VPS13D: variants seen among roughly 807,000 people sequenced by gnomAD.
VPS13D encodes intermembrane lipid transfer protein VPS13D.
Under a neutral mutation model 461.9 loss-of-function variants are expected in VPS13D, and 187 were observed. That is an observed-to-expected ratio of 0.40 (90% CI 0.36 to 0.46). VPS13D has a LOEUF of 0.46. Ranked by LOEUF, VPS13D falls within the 20% of genes least tolerant of loss-of-function variation. VPS13D has a pLI of 0.60. For missense variants in VPS13D, 4,711 were observed against 5,364.9 expected (o/e 0.88, Z 3.81); for synonymous variants, 1,951 against 1,986.3 (o/e 0.98, Z 0.47).
chr1:12,372,249 C>T (rs1450644886), intron 54 of VPS13D, among the ~76,000 whole-genome samples: 3 of 151,980 alleles, frequency 2.0e-5, no homozygotes, highest in Non-Finnish European at 4.4e-5. Context: ...TTGGTAGAGA[C>T]AGGGTCTCAC....
At chr1:12,497,764 C>A in intron 68 of VPS13D, 133 bp downstream of exon 68, 1 of 1,164,252 alleles carries the variant, frequency 8.6e-7, no homozygotes, top group Non-Finnish European at 1.2e-6. Flanking sequence ...GAATTCCTTG[C>A]CCCAAATGTT....
chr1:12,324,853 A>G (rs1046516168), intron 35 of VPS13D, among the ~76,000 whole-genome samples: 1 of 152,196 alleles, frequency 6.6e-6, no homozygotes, highest in African/African-American at 2.4e-5. Flanking sequence ...GGAGGCAGAC[A>G]TTATTATTCC....
chr1:12,234,419 T>C, intron 2 of VPS13D, 56 bp downstream of exon 2: 1 of 1,315,350 alleles, frequency 7.6e-7, no homozygotes, highest in Non-Finnish European at 1.1e-6. Flanking sequence ...TATTTTTGTA[T>C]TTTTTTTGTT....
chr1:12,473,284 G>A lies in VPS13D; in HGVS notation c.12662+12888G>A, dbSNP rs1003154832. Among the ~76,000 whole-genome samples the A allele has an allele frequency of 6.6e-6, 1 of 152,106 alleles. No homozygotes were observed. The highest frequency in any genetic ancestry group is 1.5e-5 in the Non-Finnish European group (1 of 68,016). ...TTTCAGAAAAAGATGTGGAAAGGAC[G>A]TAAAATCACAGGTTCTTCCCCAGTT... On this transcript the variant is annotated intron_variant, in intron 67 of 69. Transcript: ENST00000620676. The surrounding 1 kb of genome is among the most constrained non-coding windows in gnomAD (Gnocchi z 4.2).
At chr1:12,438,696 T>C (rs1645092236) in intron 65 of VPS13D, among the ~76,000 whole-genome samples, 1 of 152,232 alleles carries the variant, frequency 6.6e-6, no homozygotes, top group African/African-American at 2.4e-5. Flanking sequence ...AGAGGTGTTC[T>C]GGTTTTGAGA....
At chr1:12,370,932 G>GC (rs1249186788) in intron 54 of VPS13D, among the ~76,000 whole-genome samples, 1 of 152,154 alleles carries the variant, frequency 6.6e-6, no homozygotes, top group Non-Finnish European at 1.5e-5. Flanking sequence ...GAATCTAACA[G>GC]CAGAATTAGA....
chr1:12,293,445 C>G, intron 23 of VPS13D, 79 bp from the exon 24 acceptor site: 2 of 1,427,642 alleles, frequency 1.4e-6, no homozygotes, highest in South Asian at 3.0e-5. Flanking sequence ...AGGGAAGCCC[C>G]TAAACCAACC....
rs1256050189 is a variant in VPS13D, at chr1:12,396,606, C to T, written c.11635-3575C>T. On this transcript the variant is annotated intron_variant, in intron 60 of 69. Transcript: ENST00000620676. ...ACTGTGGTTCTTTTTCCCAAATGGA[C>T]GAACTACATCCTTACTGGGAGTGTG... is the stretch of plus-strand genomic sequence containing the variant. Among the ~76,000 whole-genome samples, 6 of 152,130 alleles carry T rather than the reference C, an allele frequency of 3.9e-5. No individual in the cohort carries two copies. In the South Asian group the frequency reaches 8.3e-4, roughly 21 times the overall value.
chr1:12,367,057 C>T (rs1644045525), intron 52 of VPS13D, among the ~76,000 whole-genome samples: 1 of 152,160 alleles, frequency 6.6e-6, no homozygotes, highest in Non-Finnish European at 1.5e-5. Context: ...CAACTCCCTT[C>T]CCATTGATCT....
At chr1:12,274,194 C>G (rs1641539657) in intron 18 of VPS13D, among the ~76,000 whole-genome samples, 1 of 152,218 alleles carries the variant, frequency 6.6e-6, no homozygotes, top group Admixed American at 6.5e-5. Context: ...GTGCCCACCA[C>G]TATGCCCAGC....
intron 68 of VPS13D, among the ~76,000 whole-genome samples, chr1:12,503,571 C>G (rs1406797114): frequency 4.6e-5 from 7 of 152,166 alleles, no homozygotes; most frequent in South Asian, 2.1e-4. Flanking sequence ...CTACAGCAAC[C>G]TAAAATGTGT....
chr1:12,437,951 G>A (rs549252291), intron 65 of VPS13D, among the ~76,000 whole-genome samples: 2 of 152,214 alleles, frequency 1.3e-5, no homozygotes, highest in South Asian at 4.1e-4. Context: ...GTTGGCAAAT[G>A]TGGCAATGAA....
intron 60 of VPS13D, among the ~76,000 whole-genome samples, chr1:12,397,842 A>C (rs1298806876): frequency 6.6e-6 from 1 of 152,212 alleles, no homozygotes; most frequent in Non-Finnish European, 1.5e-5. Context: ...AGAGATGGTC[A>C]CTAGAAACCA....
At chr1:12,426,153 A>G (rs1326286466) in intron 65 of VPS13D, among the ~76,000 whole-genome samples, 2 of 152,154 alleles carry the variant, frequency 1.3e-5, no homozygotes, top group South Asian at 2.1e-4. Context: ...TAGAAAATGT[A>G]TGACTCAAAA....
chr1:12,415,735 T>G (rs759325677), intron 64 of VPS13D, among the ~76,000 whole-genome samples: 20 of 152,214 alleles, frequency 1.3e-4, no homozygotes, highest in Non-Finnish European at 2.5e-4. Flanking sequence ...TTAATAGCTT[T>G]CAAAGTTAAA....
chr1:12,370,462 C>T (rs934601273), intron 54 of VPS13D, among the ~76,000 whole-genome samples: 10 of 152,120 alleles, frequency 6.6e-5, no homozygotes, highest in African/African-American at 1.7e-4. Context: ...CCAAAATGTT[C>T]GGAACATTTT....
At chr1:12,272,151 C>T (rs1641461953) in intron 17 of VPS13D, among the ~76,000 whole-genome samples, 1 of 152,142 alleles carries the variant, frequency 6.6e-6, no homozygotes, top group Admixed American at 6.5e-5. Flanking sequence ...ATGATCTGCC[C>T]TCTAGCCTGG....
chr1:12,341,876 C>T lies in VPS13D; in HGVS notation c.8723C>T (p.Thr2908Ile). Residue 2908 changes from threonine (T) to isoleucine (I), a missense_variant, in exon 41 of 70, where the codon ACA becomes ATA. Around this residue, in one of 3 missense-constraint regions of VPS13D, gnomAD observed 4,411 missense variants for 4,937.8 expected, o/e 0.89. Coordinates refer to ENST00000620676, the MANE Select transcript of VPS13D (RefSeq NM_015378.4). The stretch of plus-strand genomic sequence containing the variant: ...TTGTGGTTTGCCACCCTGACCACCA[C>T]ACCCACCAGGTAAGCAGTCAGTTTA... ...CTLWFATLTT[T>I]PTRAALSHSG... 1 of 1,614,070 alleles carries T rather than the reference C, an allele frequency of 6.2e-7. No homozygotes were observed. Among genetic ancestry groups the T allele is most frequent in the Non-Finnish European group, 8.5e-7 (1 of 1,179,956 alleles).
chr1:12,314,984 A>G (rs574003018), intron 30 of VPS13D, among the ~76,000 whole-genome samples: 2 of 152,370 alleles, frequency 1.3e-5, no homozygotes, highest in African/African-American at 4.8e-5. Flanking sequence ...TAGAGGTAAT[A>G]ATTAAAGTAA....
Sources: allele counts gnomAD v4.1 joint callset (sites outside exome capture counted in the v4.1 genomes callset), GRCh38; gene constraint gnomAD v4.1.1; regional missense constraint gnomAD v4.1.1; non-coding constraint Gnocchi (gnomAD v3.1); transcripts MANE v1.5; gene names NCBI Gene and HGNC (gene_info 2026-07-23, HGNC 2026-07-21).